Variants in TEKT3 observed in about 807,000 individuals in gnomAD.
TEKT3 encodes tektin-3.
A neutral mutation model predicts 49.8 loss-of-function variants in TEKT3; 49 were observed. That is an observed-to-expected ratio of 0.98 (90% CI 0.78 to 1.25). The LOEUF (loss-of-function observed/expected upper bound fraction) is 1.25, where lower values mean the gene tolerates loss of function less well. Among genes scored for constraint, TEKT3 ranks in the 50% most tolerant of loss-of-function variants. TEKT3 has a pLI of 0.00. For synonymous variants in TEKT3, 225 were observed against 237.2 expected, an observed-to-expected ratio of 0.95 and a Z score of 0.47; for missense variants, 595 against 629.5, an observed-to-expected ratio of 0.95 and a Z score of 0.59.
intron 5 of TEKT3, 78 bp from the exon 6 acceptor site, chr17:15,314,308 A>T (rs772523927): frequency 1.3e-6 from 2 of 1,568,578 alleles, no homozygotes; most frequent in South Asian, 2.3e-5. Context: ...GCCCTTCCAT[A>T]TTGGGACCTC....
chr17:15,330,915 G>A (rs2305959), intron 3 of TEKT3, 92 bp downstream of exon 3: 294,480 of 1,310,438 alleles, frequency 0.22, 33,770 homozygotes, highest in East Asian at 0.26. Context: ...AACAGATGAA[G>A]TAAAACATAA....
rs1196053336 is a variant in TEKT3, at chr17:15,328,038, A to G, written c.617T>C (p.Met206Thr). The change falls in exon 4 of 9, where the codon ATG becomes ACG. Residue 206 changes from methionine to threonine, a missense_variant. Physicochemically the swap from Met to Thr is moderately conservative, Grantham distance 81 (BLOSUM62 -1). Coordinates refer to ENST00000395930, the MANE Select transcript of TEKT3 (RefSeq NM_031898.3). ...TTCATCGTGAACTAGGTCGATTCCCATTCTCTTTTCTCGATGAAATAGACA... is the reference window on the plus strand; with the variant it reads ...TTCATCGTGAACTAGGTCGATTCCCGTTCTCTTTTCTCGATGAAATAGACA... ...RECLFHREKR[M>T]GIDLVHDEVE... The G allele has an allele frequency of 5.0e-6, 8 of 1,614,080 alleles. No individual in the cohort carries two copies. Among genetic ancestry groups the G allele is most frequent in the South Asian group, 1.1e-5 (1 of 91,080 alleles).
upstream of TEKT3, among the ~76,000 whole-genome samples, chr17:15,342,100 T>C (rs1912253349): frequency 5.9e-5 from 9 of 152,222 alleles, no homozygotes. Context: ...TGGTTTGGGC[T>C]TTCCCTCTCT....
chr17:15,333,824 A>T (rs930417769), intron 2 of TEKT3, among the ~76,000 whole-genome samples: 16 of 151,796 alleles, frequency 1.1e-4, no homozygotes, highest in Non-Finnish European at 2.2e-4. Context: ...CAGTGGCATG[A>T]TCTCGGCTCA....
chr17:15,331,696 CTT>C, intron 2 of TEKT3, 82 bp from the exon 3 acceptor site: 1 of 1,089,066 alleles, frequency 9.2e-7, no homozygotes, highest in Non-Finnish European at 1.3e-6. Context: ...CCACATCTGA[CTT>C]AGTATCAGTT....
intron 2 of TEKT3, among the ~76,000 whole-genome samples, chr17:15,337,968 C>T (rs568951909): frequency 5.9e-5 from 9 of 152,082 alleles, no homozygotes; most frequent in Non-Finnish European, 1.0e-4. Flanking sequence ...GAAATATTAT[C>T]GGAGATAAAG....
intron 8 of TEKT3, among the ~76,000 whole-genome samples, chr17:15,305,461 G>A (rs998896007): frequency 2.0e-5 from 3 of 152,178 alleles, no homozygotes; most frequent in African/African-American, 7.2e-5. Flanking sequence ...CAAATTTCTT[G>A]TTATTGTTTA....
chr17:15,308,580 G>A (rs1362501427), intron 8 of TEKT3, 84 bp downstream of exon 8: 1 of 1,535,234 alleles, frequency 6.5e-7, no homozygotes, highest in African/African-American at 1.4e-5. Context: ...CGTATGGGCA[G>A]AAAGCAGCTT....
At chr17:15,318,164 T>C (rs1474582792) in intron 5 of TEKT3, among the ~76,000 whole-genome samples, 3 of 151,422 alleles carry the variant, frequency 2.0e-5, no homozygotes, top group Non-Finnish European at 4.4e-5. Flanking sequence ...TAATTTTTTG[T>C]ATTTTTAGTA....
At chr17:15,322,358 A>C (rs1418851149) in intron 4 of TEKT3, among the ~76,000 whole-genome samples, 3 of 152,196 alleles carry the variant, frequency 2.0e-5, no homozygotes, top group Non-Finnish European at 2.9e-5. Flanking sequence ...CCATCTTTCC[A>C]GGCTATTGGG....
In TEKT3 at chr17:15,331,403, A is replaced by G; in HGVS notation, c.183T>C (p.Asn61=). The G allele has an allele frequency of 6.2e-7, 1 of 1,614,072 alleles. No individual in the cohort carries two copies. The highest frequency in any genetic ancestry group is 8.5e-7 in the Non-Finnish European group (1 of 1,180,020). Residue 61 remains asparagine (N), a synonymous_variant, in exon 3 of 9, where the codon AAT becomes AAC. Coordinates refer to ENST00000395930, the MANE Select transcript of TEKT3 (RefSeq NM_031898.3). ...RPSTYYKVAS[N]SPSVAPYCTR... is the part of the protein sequence containing the mutation. ...TGCAGTACGGGGCCACGCTTGGGGAATTGGAGGCGACTTTGTAGTATGTGC... is the reference window on the plus strand; with the variant it reads ...TGCAGTACGGGGCCACGCTTGGGGAGTTGGAGGCGACTTTGTAGTATGTGC...
intron 2 of TEKT3, among the ~76,000 whole-genome samples, chr17:15,336,561 GAA>G (rs74330298): frequency 2.1e-5 from 3 of 143,530 alleles, no homozygotes; most frequent in Non-Finnish European, 3.1e-5. Context: ...GTGCTAATAA[GAA>G]AAAAAAAAAT....
intron 2 of TEKT3, among the ~76,000 whole-genome samples, chr17:15,332,147 C>T (rs1044441161): frequency 4.6e-5 from 7 of 152,014 alleles, no homozygotes; most frequent in South Asian, 4.2e-4. Flanking sequence ...GAGCTGAGAT[C>T]GCACCACTGC....
chr17:15,312,231 T>C, intron 7 of TEKT3, 28 bp downstream of exon 7: 1 of 1,608,076 alleles, frequency 6.2e-7, no homozygotes, highest in Non-Finnish European at 8.5e-7. Flanking sequence ...CCAGGTCAGC[T>C]AAGGGGTACC....
intron 2 of TEKT3, among the ~76,000 whole-genome samples, chr17:15,338,775 CAA>C (rs1336060612): frequency 1.3e-5 from 2 of 150,904 alleles, no homozygotes; most frequent in Non-Finnish European, 2.9e-5. Flanking sequence ...CTCGGCCTCC[CAA>C]AGTGTTGGGA....
intron 2 of TEKT3, among the ~76,000 whole-genome samples, chr17:15,337,663 GA>G (rs978886867): frequency 1.3e-5 from 2 of 152,110 alleles, no homozygotes; most frequent in African/African-American, 4.8e-5. Context: ...CCAAGATGGT[GA>G]AACCCCAACT....
chr17:15,325,988 T>C (rs1304262795), intron 4 of TEKT3, among the ~76,000 whole-genome samples: 2 of 152,196 alleles, frequency 1.3e-5, no homozygotes, highest in African/African-American at 2.4e-5. Flanking sequence ...ACTTTTACAG[T>C]AGATTACAAA....
chr17:15,325,618 T>C (rs1373133369), intron 4 of TEKT3, among the ~76,000 whole-genome samples: 1 of 152,158 alleles, frequency 6.6e-6, no homozygotes, highest in Non-Finnish European at 1.5e-5. Context: ...TGTAGTCAGG[T>C]TTGAGAGCCA....
At chr17:15,323,393 G>A (rs1422910430) in intron 4 of TEKT3, among the ~76,000 whole-genome samples, 1 of 152,194 alleles carries the variant, frequency 6.6e-6, no homozygotes, top group Non-Finnish European at 1.5e-5. Flanking sequence ...AGCCAGACCA[G>A]GGCAGGCTGC....
Sources: gnomAD v4.1 joint callset for allele counts (sites outside exome capture counted in the v4.1 genomes callset) on GRCh38, gnomAD v4.1.1 for gene constraint, MANE v1.5 for transcripts, NCBI Gene and HGNC (gene_info 2026-07-23, HGNC 2026-07-21) for gene names.